The following PRKN variants were observed in gnomAD, a reference collection of about 807,000 sequenced individuals.
PRKN encodes E3 ubiquitin-protein ligase parkin.
A neutral mutation model predicts 59.5 loss-of-function variants in PRKN; 56 were observed. The ratio of observed to expected loss-of-function variants is 0.94; its 90% CI spans 0.76 to 1.18. PRKN has a LOEUF of 1.18. Among genes scored for constraint, PRKN ranks in the 50% most tolerant of loss-of-function variants. The pLI is 0.00. For synonymous variants in PRKN, 250 were observed against 222.1 expected, an observed-to-expected ratio of 1.13 and a Z score of -1.12; for missense variants, 657 against 596.4, an observed-to-expected ratio of 1.10 and a Z score of -1.06.
intron 7 of PRKN, among the ~76,000 whole-genome samples, chr6:161,632,214 G>A (rs1420386716): frequency 2.0e-5 from 3 of 152,046 alleles, no homozygotes; most frequent in Non-Finnish European, 4.4e-5. Flanking sequence ...TAGTCACAGC[G>A]TCACACATTT....
chr6:161,680,729 A>G lies in PRKN; in HGVS notation c.871+105043T>C, dbSNP rs1785287609. Among the ~76,000 whole-genome samples, 3 of 6,386 alleles carry G rather than the reference A, an allele frequency of 4.7e-4. No individual in the cohort carries two copies. The South Asian group carries it at 0.024, about 51-fold the overall frequency. 4.2% of individuals were successfully genotyped at this position (6,386 alleles called of 152,430 possible). On this transcript the variant is annotated intron_variant, in intron 7 of 11. Transcript: ENST00000366898. Reference sequence around the variant, plus strand: ...GCTCTGAAAACATCCTGAAATACATATATATATATATATATATATATATAT... The same window carrying G: ...GCTCTGAAAACATCCTGAAATACATGTATATATATATATATATATATATAT...
intron 1 of PRKN, among the ~76,000 whole-genome samples, chr6:162,644,950 T>C (rs1025315161): frequency 7.9e-5 from 12 of 152,316 alleles, no homozygotes; most frequent in African/African-American, 2.6e-4. Flanking sequence ...ATAGAGAACT[T>C]AGCATAGCTC....
chr6:161,889,109 G>A (rs552600301), intron 6 of PRKN, among the ~76,000 whole-genome samples: 53 of 152,144 alleles, frequency 3.5e-4, no homozygotes, highest in East Asian at 1.4e-3. Flanking sequence ...AGAAATAAGA[G>A]AACTACGGAA....
chr6:162,159,687 G>A (rs1415744716), intron 4 of PRKN, among the ~76,000 whole-genome samples: 2 of 152,146 alleles, frequency 1.3e-5, no homozygotes, highest in African/African-American at 4.8e-5. Flanking sequence ...GAGAACTTCT[G>A]CTACTTTTCT....
chr6:161,737,961 T>C (rs896643235), intron 7 of PRKN, among the ~76,000 whole-genome samples: 2 of 152,174 alleles, frequency 1.3e-5, no homozygotes, highest in Non-Finnish European at 2.9e-5. Flanking sequence ...CTATCTGCAT[T>C]CCTCCAAAAT....
chr6:162,504,147 G>A (rs1239300090), intron 1 of PRKN, among the ~76,000 whole-genome samples: 2 of 152,144 alleles, frequency 1.3e-5, no homozygotes, highest in East Asian at 3.9e-4. Context: ...AAGGCAGAGG[G>A]AAGGCCAACC....
chr6:161,535,864 C>T (rs1380485298), intron 9 of PRKN, among the ~76,000 whole-genome samples: 1 of 152,074 alleles, frequency 6.6e-6, no homozygotes, highest in East Asian at 1.9e-4. Flanking sequence ...TAAGCCACTG[C>T]AGTCTTAGGA....
At chr6:161,769,172 A>G (rs1789556578) in intron 7 of PRKN, among the ~76,000 whole-genome samples, 1 of 152,242 alleles carries the variant, frequency 6.6e-6, no homozygotes, top group Non-Finnish European at 1.5e-5. Flanking sequence ...TTACTTTTCA[A>G]CTATACAACT....
chr6:162,410,360 A>G (rs1788292295), intron 2 of PRKN, among the ~76,000 whole-genome samples: 1 of 152,088 alleles, frequency 6.6e-6, no homozygotes, highest in South Asian at 2.1e-4. Context: ...CCAGAAACAG[A>G]CCTAAAAGCA....
chr6:161,575,429 T>C lies in PRKN; in HGVS notation c.872-6013A>G, dbSNP rs1025737005. Among the ~76,000 whole-genome samples, 3 of 152,158 alleles carry C rather than the reference T, an allele frequency of 2.0e-5. No homozygotes were observed. Among genetic ancestry groups the C allele is most frequent in the East Asian group, 3.9e-4 (2 of 5,194 alleles). ...ACAAAACAAAACAAAACAAATACCT[T>C]TGAGAGATTAACTGAGCCATAATGT... On this transcript the variant is annotated intron_variant, in intron 7 of 11. Transcript: ENST00000366898. The surrounding 1 kb of genome is among the most constrained non-coding windows in gnomAD (Gnocchi z 4.6).
At chr6:162,669,150 C>G (rs983006941) in intron 1 of PRKN, among the ~76,000 whole-genome samples, 4 of 152,068 alleles carry the variant, frequency 2.6e-5, no homozygotes, top group African/African-American at 9.7e-5. Context: ...GTATACCTCA[C>G]CACAGAAAAG....
intron 6 of PRKN, among the ~76,000 whole-genome samples, chr6:161,859,343 G>A (rs1187293949): frequency 2.6e-5 from 4 of 151,878 alleles, no homozygotes; most frequent in Non-Finnish European, 5.9e-5. Context: ...GGTGACTGAC[G>A]CCTGTAATCC....
chr6:162,021,463 T>TA (rs1562466053), intron 5 of PRKN, among the ~76,000 whole-genome samples: 898 of 26,760 alleles, frequency 0.034, 2 homozygotes, highest in South Asian at 0.096. Context: ...ATATATATAT[T>TA]TTTTTTTTTT....
intron 2 of PRKN, among the ~76,000 whole-genome samples, chr6:162,296,547 G>A (rs201985584): frequency 2.6e-5 from 4 of 151,974 alleles, no homozygotes; most frequent in Middle Eastern, 3.2e-3. Context: ...AGTGGATGCC[G>A]CTTATTTCTT....
chr6:162,188,586 T>C (rs948617674), intron 4 of PRKN, among the ~76,000 whole-genome samples: 1 of 152,190 alleles, frequency 6.6e-6, no homozygotes, highest in South Asian at 2.1e-4. Context: ...TCTTCTTTCA[T>C]AGTCTTGCCA....
intron 6 of PRKN, among the ~76,000 whole-genome samples, chr6:161,962,540 CTTTTT>C (rs567987319): frequency 1.5e-5 from 2 of 136,162 alleles, no homozygotes; most frequent in African/African-American, 5.4e-5. Flanking sequence ...AATGTAGCAC[CTTTTT>C]TTTTTTTTTT....
chr6:161,452,089 G>A (rs1341592066), intron 9 of PRKN, among the ~76,000 whole-genome samples: 1 of 150,614 alleles, frequency 6.6e-6, no homozygotes, highest in African/African-American at 2.5e-5. Context: ...CTGAGTAGCT[G>A]GGATTACAGG....
At chr6:161,596,791 T>C (rs557352855) in intron 7 of PRKN, among the ~76,000 whole-genome samples, 1 of 152,296 alleles carries the variant, frequency 6.6e-6, no homozygotes, top group South Asian at 2.1e-4. Context: ...GCTGACCAAC[T>C]CCTATCTTTG....
At chr6:161,452,204 G>C (rs1789771638) in intron 9 of PRKN, among the ~76,000 whole-genome samples, 1 of 151,968 alleles carries the variant, frequency 6.6e-6, no homozygotes, top group Admixed American at 6.6e-5. Context: ...TCCCACCTCG[G>C]CCTCCCAAAA....
Sources: gnomAD v4.1 joint callset for allele counts (sites outside exome capture counted in the v4.1 genomes callset) on GRCh38, gnomAD v4.1.1 for gene constraint, Gnocchi (gnomAD v3.1) non-coding constraint, MANE v1.5 for transcripts, NCBI Gene and HGNC (gene_info 2026-07-23, HGNC 2026-07-21) for gene names.